The following GATB variants were observed in gnomAD, a reference collection of about 807,000 sequenced individuals.
GATB encodes glutamyl-tRNA amidotransferase subunit B, also known as glutamyl-tRNA(Gln) amidotransferase subunit B, mitochondrial.
In GATB, 39 loss-of-function variants were observed where a neutral mutation model predicts 62.3. That is an observed-to-expected ratio of 0.63 (90% CI 0.48 to 0.82). The LOEUF is 0.82. GATB is among the 40% of genes least tolerant of loss of function. The pLI, the probability that GATB is intolerant of heterozygous loss-of-function variation, is 0.00. For missense variants in GATB, 670 were observed against 684.0 expected (o/e 0.98, Z 0.23); for synonymous variants, 276 against 258.9 (o/e 1.07, Z -0.63).
chr4:151,738,278 T>C (rs1411740063), intron 2 of GATB, among the ~76,000 whole-genome samples: 1 of 152,068 alleles, frequency 6.6e-6, no homozygotes, highest in Non-Finnish European at 1.5e-5. Flanking sequence ...AGGAGATCAT[T>C]TTGGAGATTT....
chr4:151,729,814 GGAGA>G (rs1739208242), intron 2 of GATB, among the ~76,000 whole-genome samples: 1 of 152,192 alleles, frequency 6.6e-6, no homozygotes, highest in Non-Finnish European at 1.5e-5. Flanking sequence ...AAGAGAAGAA[GGAGA>G]GTCCCTAAAG....
At chr4:151,754,666 T>C (rs561255211) in intron 2 of GATB, among the ~76,000 whole-genome samples, 4 of 152,016 alleles carry the variant, frequency 2.6e-5, no homozygotes, top group African/African-American at 9.6e-5. Context: ...TTTTACTAAA[T>C]CAAGAGCCAA....
At chr4:151,696,593 G>T (rs1738474045) in intron 9 of GATB, among the ~76,000 whole-genome samples, 1 of 152,210 alleles carries the variant, frequency 6.6e-6, no homozygotes, top group African/African-American at 2.4e-5. Flanking sequence ...AACCAAAGAG[G>T]TTACATTTCC....
intron 2 of GATB, among the ~76,000 whole-genome samples, chr4:151,749,975 G>A (rs949434970): frequency 3.3e-5 from 5 of 151,932 alleles, no homozygotes; most frequent in Admixed American, 1.3e-4. Context: ...TCTGCCTCCC[G>A]GGTTCACACC....
intron 10 of GATB, 119 bp downstream of exon 10, chr4:151,688,511 G>A: frequency 1.1e-6 from 1 of 929,202 alleles, no homozygotes; most frequent in Non-Finnish European, 1.6e-6. Flanking sequence ...GGATGTTTGT[G>A]TCATGTCAGG....
chr4:151,684,841 G>A (rs1738212083), intron 10 of GATB, among the ~76,000 whole-genome samples: 1 of 152,090 alleles, frequency 6.6e-6, no homozygotes, highest in Admixed American at 6.5e-5. Context: ...AAACTGCTTG[G>A]GTAAATACCA....
intron 3 of GATB, among the ~76,000 whole-genome samples, chr4:151,719,062 A>G (rs1211823416): frequency 6.6e-6 from 1 of 152,220 alleles, no homozygotes; most frequent in Non-Finnish European, 1.5e-5. Context: ...TGACAGAACT[A>G]CAGTATGCAT....
intron 10 of GATB, among the ~76,000 whole-genome samples, chr4:151,682,087 C>A (rs1357622089): frequency 6.6e-6 from 1 of 152,154 alleles, no homozygotes; most frequent in Non-Finnish European, 1.5e-5. Context: ...AATAACGTCG[C>A]CTTTGAGAAG....
At chr4:151,674,047 T>C (rs1203765060) in intron 11 of GATB, 1 of 152,278 alleles carries the variant, frequency 6.6e-6, no homozygotes, top group Non-Finnish European at 1.5e-5. Flanking sequence ...CACTGCGCCT[T>C]CAGCCTGGTG....
At chr4:151,695,824 C>T (rs1016691198) in intron 9 of GATB, among the ~76,000 whole-genome samples, 1 of 152,122 alleles carries the variant, frequency 6.6e-6, no homozygotes, top group Non-Finnish European at 1.5e-5. Context: ...GTGGCACGAC[C>T]ACAGCTCGCT....
chr4:151,687,642 C>T (rs944890995), intron 10 of GATB, among the ~76,000 whole-genome samples: 2 of 152,146 alleles, frequency 1.3e-5, no homozygotes, highest in African/African-American at 4.8e-5. Flanking sequence ...GGGATGGGGC[C>T]CTGGAGGAGT....
At chr4:151,688,062 C>A (rs756680579) in intron 10 of GATB, among the ~76,000 whole-genome samples, 11 of 152,216 alleles carry the variant, frequency 7.2e-5, no homozygotes, top group Admixed American at 3.3e-4. Context: ...CCCACCATTC[C>A]CACCTGCCTG....
intron 2 of GATB, among the ~76,000 whole-genome samples, chr4:151,729,819 G>C (rs1739208348): frequency 6.6e-6 from 1 of 152,156 alleles, no homozygotes; most frequent in Non-Finnish European, 1.5e-5. Flanking sequence ...AAGAAGGAGA[G>C]TCCCTAAAGG....
intron 2 of GATB, among the ~76,000 whole-genome samples, chr4:151,744,462 G>A (rs1233636504): frequency 6.6e-6 from 1 of 152,086 alleles, no homozygotes. Flanking sequence ...CATATTGATA[G>A]AAAGTAGAGG....
intron 2 of GATB, among the ~76,000 whole-genome samples, chr4:151,736,682 T>C (rs919157389): frequency 2.6e-5 from 4 of 152,250 alleles, no homozygotes; most frequent in East Asian, 3.8e-4. Context: ...TGAGTACTGA[T>C]ATGGTTTGGC....
chr4:151,719,438 T>C lies in GATB; in HGVS notation c.428A>G (p.Tyr143Cys). Residue 143 changes from tyrosine to cysteine, a missense_variant, in exon 3 of 13, where the codon TAT (tyrosine) becomes TGT (cysteine). Coordinates refer to ENST00000263985, the MANE Select transcript of GATB (RefSeq NM_004564.3). ...KSLFDRKHYFYADLPAGYQIT... is the reference protein window; with the variant it reads ...KSLFDRKHYFCADLPAGYQIT... The stretch of plus-strand genomic sequence containing the variant: ...AAGTGTACTTACAGGGAGGTCTGCA[T>C]AGAAGTAGTGCTTCCTGTCAAACAA... 7.4e-6 allele frequency: 12 copies of C among 1,611,220 alleles called. No homozygotes were observed. The highest frequency in any genetic ancestry group is 1.0e-5 in the Non-Finnish European group (12 of 1,178,146).
chr4:151,671,235 G>C lies in GATB; in HGVS notation c.1613C>G (p.Thr538Ser). 1 of 1,614,118 alleles carries C rather than the reference G, an allele frequency of 6.2e-7. No homozygotes were observed. The highest frequency in any genetic ancestry group is 8.5e-7 in the Non-Finnish European group (1 of 1,179,998). Reference protein sequence around the residue: ...NKLIGLVRKATQSRADPVMIK... With the variant: ...NKLIGLVRKASQSRADPVMIK... The stretch of plus-strand genomic sequence containing the variant: ...CATGACTGGATCTGCTCGGCTTTGA[G>C]TCGCTTTCCGGACCAACCCAATCAG... The change falls in exon 13 of 13, where the codon ACT (threonine) becomes AGT (serine). Residue 538 changes from threonine (T) to serine (S), a missense_variant. Physicochemically the swap from Thr to Ser is moderately conservative, Grantham distance 58. Coordinates refer to ENST00000263985, the MANE Select transcript of GATB (RefSeq NM_004564.3).
chr4:151,670,516 A>T lies in GATB; in HGVS notation c.*658T>A, dbSNP rs977602427. On this transcript the variant is annotated 3_prime_UTR_variant, in exon 13 of 13. Coordinates refer to ENST00000263985, the MANE Select transcript of GATB (RefSeq NM_004564.3). ...ATTGGAAAACTTATTTTTTTAATTC[A>T]TTTATTCTCAGACTGTGCCTTCTGG... The T allele has an allele frequency of 2.3e-4, 35 of 152,042 alleles. No homozygotes were observed. The highest frequency in any genetic ancestry group is 8.5e-4 in the African/African-American group (35 of 41,368). 9.4% of individuals were successfully genotyped at this position (152,042 alleles called of 1,614,324 possible).
At chr4:151,700,983 T>C (rs143111296) in intron 9 of GATB, among the ~76,000 whole-genome samples, 275 of 152,316 alleles carry the variant, frequency 1.8e-3, no homozygotes, top group African/African-American at 6.4e-3. Context: ...ACCCTATACA[T>C]TGATTTTCTT....
Sources: gnomAD v4.1 joint callset for allele counts (sites outside exome capture counted in the v4.1 genomes callset) on GRCh38, gnomAD v4.1.1 for gene constraint, MANE v1.5 for transcripts, NCBI Gene and HGNC (gene_info 2026-07-23, HGNC 2026-07-21) for gene names.